Variants in KALRN observed in about 807,000 individuals in gnomAD.
KALRN encodes kalirin.
A neutral mutation model predicts 353.7 loss-of-function variants in KALRN; 70 were observed. The observed-to-expected ratio is 0.20, with a 90% CI of 0.16 to 0.24. The LOEUF is 0.24. Ranked by LOEUF, KALRN falls within the 10% of genes least tolerant of loss-of-function variation. The probability of loss-of-function intolerance (pLI) is 1.00; values close to 1 mark genes in which losing one functional copy is unlikely to be tolerated. For missense variants in KALRN, 2,791 were observed against 3,756.7 expected, an observed-to-expected ratio of 0.74 and a Z score of 6.72; for synonymous variants, 1,391 against 1,434.8, an observed-to-expected ratio of 0.97 and a Z score of 0.69.
At chr3:124,153,154 A>G (rs1428501593) in intron 1 of KALRN, 1 of 154,250 alleles carries the variant, frequency 6.5e-6, no homozygotes, top group Admixed American at 6.6e-5. Context: ...TTTAGGGTAC[A>G]TGTGCACAAT....
At chr3:124,650,616 G>C (rs2083302873) in intron 37 of KALRN, among the ~76,000 whole-genome samples, 192 bp from the exon 38 acceptor site, 1 of 152,228 alleles carries the variant, frequency 6.6e-6, no homozygotes, top group South Asian at 2.1e-4. Context: ...GGTTGCCTGA[G>C]AAGGTGGCAG....
At chr3:124,291,264 C>T (rs1349126964) in intron 5 of KALRN, among the ~76,000 whole-genome samples, 2 of 152,182 alleles carry the variant, frequency 1.3e-5, no homozygotes, top group Admixed American at 1.3e-4. Flanking sequence ...CTGCAATGAA[C>T]ATTGCAGTTA....
chr3:124,079,966 A>G, intron 1 of KALRN: 1 of 465,190 alleles, frequency 2.1e-6, no homozygotes, highest in Non-Finnish European at 4.5e-6. Context: ...TCATAGTTCC[A>G]TATTTATTAT....
intron 47 of KALRN, 126 bp from the exon 48 acceptor site, chr3:124,671,534 A>G (rs1180883597): frequency 1.5e-6 from 1 of 688,220 alleles, no homozygotes; most frequent in Non-Finnish European, 2.6e-6. Context: ...CATTGCCTTA[A>G]AAACAAGGGT....
chr3:124,144,972 A>G (rs947423189), intron 1 of KALRN, among the ~76,000 whole-genome samples: 1 of 152,170 alleles, frequency 6.6e-6, no homozygotes, highest in African/African-American at 2.4e-5. Context: ...GTGTGTGTTC[A>G]AGAAAGCCCA....
At chr3:124,511,625 C>T in intron 33 of KALRN, among the ~76,000 whole-genome samples, 1 of 152,194 alleles carries the variant, frequency 6.6e-6, no homozygotes, top group East Asian at 1.9e-4. Flanking sequence ...GAGCAGGCCC[C>T]TTCCCTCTGC....
intron 33 of KALRN, among the ~76,000 whole-genome samples, chr3:124,559,378 C>A (rs1233270235): frequency 6.6e-6 from 1 of 152,130 alleles, no homozygotes; most frequent in African/African-American, 2.4e-5. Flanking sequence ...TGGAGGGAAG[C>A]CAGGCAGACA....
At chr3:124,515,898 A>G (rs2066489378) in intron 33 of KALRN, among the ~76,000 whole-genome samples, 1 of 152,214 alleles carries the variant, frequency 6.6e-6, no homozygotes, top group Non-Finnish European at 1.5e-5. Context: ...GGCTATATAA[A>G]ATAATGGCTT....
chr3:124,358,075 T>TG (rs2083618058), intron 10 of KALRN, among the ~76,000 whole-genome samples: 1 of 152,220 alleles, frequency 6.6e-6, no homozygotes, highest in African/African-American at 2.4e-5. Context: ...TGCCCTGTGC[T>TG]GGGGGTCACC....
At chr3:124,138,851 C>T (rs2066268910) in intron 1 of KALRN, among the ~76,000 whole-genome samples, 1 of 152,154 alleles carries the variant, frequency 6.6e-6, no homozygotes, top group African/African-American at 2.4e-5. Flanking sequence ...GTATTCATCT[C>T]CATGACACTT....
At chr3:124,665,117 T>C (rs558724678) in intron 45 of KALRN, among the ~76,000 whole-genome samples, 1 of 152,124 alleles carries the variant, frequency 6.6e-6, no homozygotes, top group African/African-American at 2.4e-5. Flanking sequence ...CTCTGCTGGG[T>C]AGTGTTTGGA....
At chr3:124,330,313 G>A (rs2080415649) in intron 8 of KALRN, among the ~76,000 whole-genome samples, 1 of 151,084 alleles carries the variant, frequency 6.6e-6, no homozygotes, top group Admixed American at 6.6e-5. Context: ...CATCCTGTGT[G>A]TGAAGATTGG....
At chr3:124,517,051 C>T (rs767064959) in intron 33 of KALRN, among the ~76,000 whole-genome samples, 4 of 152,128 alleles carry the variant, frequency 2.6e-5, no homozygotes, top group Admixed American at 6.5e-5. Flanking sequence ...CGCCTGATCT[C>T]GTGATCCGCC....
At chr3:124,673,640 T>C (rs138435762) in intron 48 of KALRN, among the ~76,000 whole-genome samples, 228 of 152,096 alleles carry the variant, frequency 1.5e-3, no homozygotes, top group African/African-American at 5.1e-3. Context: ...AATATATATG[T>C]ATATACTGAA....
chr3:124,321,262 A>G (rs1021080729), intron 6 of KALRN, among the ~76,000 whole-genome samples: 1 of 152,248 alleles, frequency 6.6e-6, no homozygotes, highest in African/African-American at 2.4e-5. Flanking sequence ...ATGGGATTCA[A>G]ATAATACCTT....
In KALRN at chr3:124,525,904, TAG is replaced by T. The variant is rs548990270; in HGVS notation, c.4935+29492_4935+29493del. ...CACATAGGCAGGCTTGGAGATGGAA[TAG>T]GTCATTAAAGAGGTGGAGGGGTGGG... On this transcript the variant is annotated intron_variant, in intron 33 of 59. Transcript: ENST00000682506. 9.9e-5 allele frequency among the ~76,000 whole-genome samples: 15 copies of T among 152,032 alleles called. No homozygotes were observed. In the South Asian group the frequency reaches 3.1e-3, roughly 32 times the overall value.
intron 33 of KALRN, among the ~76,000 whole-genome samples, chr3:124,522,186 T>A (rs2067219481): frequency 6.6e-6 from 1 of 151,930 alleles, no homozygotes; most frequent in African/African-American, 2.4e-5. Flanking sequence ...TACATACATA[T>A]GTACATATGC....
chr3:124,076,251 G>A lies in KALRN; in HGVS notation c.73+42438G>A, dbSNP rs375604395. On this transcript the variant is annotated intron_variant, in intron 1 of 59. Transcript: ENST00000682506. ...CAAGGGAAGCAAGGGCAGCTAGGGT[G>A]GGGGGATAGGAAGGGAGTTCCTAAA... Among the ~76,000 whole-genome samples the A allele has an allele frequency of 7.9e-5, 12 of 152,326 alleles. 1 individual carries two copies. The Middle Eastern group carries it at 0.01, about 130-fold the overall frequency.
rs193182320 is a variant in KALRN, at chr3:124,594,645, C to A, written c.5182+31556C>A. Among the ~76,000 whole-genome samples the A allele has an allele frequency of 8.5e-5, 13 of 152,258 alleles. 1 individual carries two copies. In the Middle Eastern group the frequency reaches 0.01, roughly 120 times the overall value. Reference sequence around the variant, plus strand: ...TCGGTGGGAAGATCCTGGGAAGAGTCCTGGGTTAAGAAATAGATCTTTCCA... The same window carrying A: ...TCGGTGGGAAGATCCTGGGAAGAGTACTGGGTTAAGAAATAGATCTTTCCA... On this transcript the variant is annotated intron_variant, in intron 34 of 59. Coordinates refer to ENST00000682506, the MANE Select transcript of KALRN (RefSeq NM_001388419.1).
Sources: gnomAD v4.1 joint callset for allele counts (sites outside exome capture counted in the v4.1 genomes callset) on GRCh38, gnomAD v4.1.1 for gene constraint, MANE v1.5 for transcripts, NCBI Gene and HGNC (gene_info 2026-07-23, HGNC 2026-07-21) for gene names.